The following REV3L variants were observed in gnomAD, a reference collection of about 807,000 sequenced individuals.
The protein encoded by REV3L is REV3 like, DNA directed polymerase zeta catalytic subunit.
Under a neutral mutation model 299.4 loss-of-function variants are expected in REV3L, and 69 were observed. The observed-to-expected ratio is 0.23, with a 90% CI of 0.19 to 0.28. The LOEUF (loss-of-function observed/expected upper bound fraction) is 0.28, where lower values mean the gene tolerates loss of function less well. Ranked by LOEUF, REV3L falls within the 10% of genes least tolerant of loss-of-function variation. The probability of loss-of-function intolerance (pLI) is 1.00; values close to 1 mark genes in which losing one functional copy is unlikely to be tolerated. For missense variants in REV3L, 3,128 were observed against 3,693.8 expected, an observed-to-expected ratio of 0.85 and a Z score of 3.97; for synonymous variants, 1,238 against 1,271.4, an observed-to-expected ratio of 0.97 and a Z score of 0.56.
intron 28 of REV3L, 68 bp from the exon 29 acceptor site, chr6:111,311,327 A>G (rs958091592): frequency 2.8e-5 from 34 of 1,214,932 alleles, no homozygotes; most frequent in Admixed American, 4.5e-5. Flanking sequence ...TTGTTATTAC[A>G]CTTTCAATTA....
At chr6:111,309,640 C>T in intron 30 of REV3L, 2 of 451,772 alleles carry the variant, frequency 4.4e-6, no homozygotes, top group South Asian at 9.2e-5. Flanking sequence ...GAGTGCCTAT[C>T]CTCACCTAGA....
intron 1 of REV3L, among the ~76,000 whole-genome samples, chr6:111,479,190 T>A (rs1160969612): frequency 6.6e-6 from 1 of 152,148 alleles, no homozygotes; most frequent in South Asian, 2.1e-4. Flanking sequence ...CAAATCTAAA[T>A]GAAAAAACAT....
At chr6:111,422,663 CAT>C (rs59939393) in intron 1 of REV3L, among the ~76,000 whole-genome samples, 3,956 of 17,852 alleles carry the variant, frequency 0.22, 1,075 homozygotes, top group East Asian at 0.65. Flanking sequence ...TATATATATA[CAT>C]ATATATATAT....
intron 1 of REV3L, among the ~76,000 whole-genome samples, chr6:111,427,291 T>C (rs1191568522): frequency 2.0e-5 from 3 of 152,186 alleles, no homozygotes; most frequent in Non-Finnish European, 4.4e-5. Flanking sequence ...TAAAAGAAAG[T>C]TGAAAAGACA....
At chr6:111,394,873 G>A (rs1384533416) in intron 4 of REV3L, among the ~76,000 whole-genome samples, 1 of 151,952 alleles carries the variant, frequency 6.6e-6, no homozygotes, top group Non-Finnish European at 1.5e-5. Flanking sequence ...TGGCTAATTT[G>A]TAGAGATGGG....
At chr6:111,364,835 T>TAGTAAAGCAATG (rs1398034681) in intron 15 of REV3L, among the ~76,000 whole-genome samples, 1 of 152,038 alleles carries the variant, frequency 6.6e-6, no homozygotes, top group Non-Finnish European at 1.5e-5. Flanking sequence ...GTTGCTTTCT[T>TAGTAAAGCAATG]TTACTACTTA....
intron 1 of REV3L, among the ~76,000 whole-genome samples, chr6:111,479,387 T>A (rs1206095865): frequency 6.6e-6 from 1 of 152,146 alleles, no homozygotes; most frequent in Non-Finnish European, 1.5e-5. Context: ...TTTTGTTTTT[T>A]AAAAAATTCC....
Position 111,375,920 on chromosome 6 carries a change from T to C in REV3L, c.2435A>G (p.Gln812Arg), listed in dbSNP as rs769198401. The change falls in exon 13 of 32, where the codon CAG becomes CGG. Residue 812 changes from glutamine to arginine, a missense_variant. Coordinates refer to ENST00000368802, the MANE Select transcript of REV3L (RefSeq NM_001372078.1). ...VVLSNCLTRP[Q>R]KLSPVTYKLQ... ...TTTATATGTGACAGGAGATAGTTTC[T>C]GTGGTCTAGTAAGACAGTTAGAAAG... is the stretch of plus-strand genomic sequence containing the variant. The C allele has an allele frequency of 6.2e-7, 1 of 1,614,044 alleles. No individual in the cohort carries two copies. Among genetic ancestry groups the C allele is most frequent in the Non-Finnish European group, 8.5e-7 (1 of 1,179,912 alleles).
intron 1 of REV3L, among the ~76,000 whole-genome samples, chr6:111,433,258 G>T (rs530200002): frequency 2.0e-5 from 3 of 151,860 alleles, no homozygotes; most frequent in South Asian, 2.1e-4. Context: ...ATGAAAGGTT[G>T]TTTTTTTTAA....
At chr6:111,308,399 A>T (rs1302626878) in intron 30 of REV3L, among the ~76,000 whole-genome samples, 1 of 152,198 alleles carries the variant, frequency 6.6e-6, no homozygotes, top group African/African-American at 2.4e-5. Flanking sequence ...ATAGGTGGGC[A>T]AGATCATCTA....
intron 1 of REV3L, among the ~76,000 whole-genome samples, chr6:111,419,948 C>T (rs1056457508): frequency 6.6e-5 from 10 of 152,072 alleles, no homozygotes; most frequent in African/African-American, 2.2e-4. Context: ...GGGCTCACGC[C>T]GTTCTCCTGC....
In REV3L at chr6:111,299,839, G is replaced by A. The variant is rs746702656; in HGVS notation, c.*177C>T. On this transcript the variant is annotated 3_prime_UTR_variant, in exon 32 of 32. Transcript: ENST00000368802. ...GAGGAATTTGTACATTGTAAGAAGT[G>A]AGCTATTCAGAGATCAACAAGTACA... The A allele has an allele frequency of 2.2e-5, 11 of 495,564 alleles. No homozygotes were observed. Among genetic ancestry groups the A allele is most frequent in the Admixed American group, 4.0e-5 (1 of 24,830 alleles). The allele number at this position is 495,564 out of a possible 1,614,324, so 30.7% of individuals were successfully genotyped here.
chr6:111,375,952 A>G lies in REV3L; in HGVS notation c.2403T>C (p.Ser801=). The G allele has an allele frequency of 1.2e-6, 2 of 1,613,904 alleles. No individual in the cohort carries two copies. Among genetic ancestry groups the G allele is most frequent in the Non-Finnish European group, 1.7e-6 (2 of 1,179,900 alleles). Residue 801 remains serine, a synonymous_variant, in exon 13 of 32, where the codon AGT becomes AGC. Coordinates refer to ENST00000368802, the MANE Select transcript of REV3L (RefSeq NM_001372078.1). ...QQAAHYMFFP[S]VVLSNCLTRP... is the part of the protein sequence containing the mutation. ...TAGTAAGACAGTTAGAAAGAACAAC[A>G]CTGGGAAAAAACATATAGTGTGCTG...
intron 1 of REV3L, among the ~76,000 whole-genome samples, chr6:111,442,353 T>C (rs1788368759): frequency 6.6e-6 from 1 of 152,252 alleles, no homozygotes; most frequent in South Asian, 2.1e-4. Flanking sequence ...TTTTGAACTT[T>C]TTGTCTTTTT....
intron 13 of REV3L, 87 bp from the exon 14 acceptor site, chr6:111,368,115 T>C (rs1227469598): frequency 4.2e-6 from 5 of 1,188,592 alleles, no homozygotes; most frequent in East Asian, 2.5e-5. Flanking sequence ...AAAGTCCCTT[T>C]TGGAGTCTCA....
intron 1 of REV3L, among the ~76,000 whole-genome samples, chr6:111,433,019 T>C (rs1787128415): frequency 6.6e-6 from 1 of 151,958 alleles, no homozygotes; most frequent in Admixed American, 6.6e-5. Flanking sequence ...AAACACAACA[T>C]ACCCAAACCT....
chr6:111,447,285 G>A (rs886397921), intron 1 of REV3L, among the ~76,000 whole-genome samples: 7 of 152,124 alleles, frequency 4.6e-5, no homozygotes, highest in African/African-American at 1.4e-4. Context: ...GGATGCCCTC[G>A]TGTGAGATTA....
chr6:111,307,961 G>T (rs192478635), intron 30 of REV3L: 200 of 288,342 alleles, frequency 6.9e-4, no homozygotes, highest in African/African-American at 4.2e-3. Flanking sequence ...ACAGGCCCTG[G>T]TGTGTGATGT....
At chr6:111,346,358 T>C (rs1428157806) in intron 20 of REV3L, among the ~76,000 whole-genome samples, 1 of 152,202 alleles carries the variant, frequency 6.6e-6, no homozygotes, top group Non-Finnish European at 1.5e-5. Context: ...AGCATTACTA[T>C]TTAAGAGGTA....
Sources: gnomAD v4.1 joint callset for allele counts (sites outside exome capture counted in the v4.1 genomes callset) on GRCh38, gnomAD v4.1.1 for gene constraint, MANE v1.5 for transcripts, NCBI Gene and HGNC (gene_info 2026-07-23, HGNC 2026-07-21) for gene names.